CFTR: variants seen among roughly 807,000 people sequenced by gnomAD.
CFTR encodes the protein CF transmembrane conductance regulator.
In CFTR, 181 loss-of-function variants were observed where a neutral mutation model predicts 171.6. The ratio of observed to expected loss-of-function variants is 1.05; its 90% CI spans 0.93 to 1.19. The LOEUF is 1.19. Ranked by LOEUF, CFTR falls within the 50% of genes most tolerant of loss-of-function variation. CFTR has a pLI of 0.00. For synonymous variants in CFTR, 583 were observed against 608.0 expected (o/e 0.96, Z 0.60); for missense variants, 1,968 against 1,734.7 (o/e 1.13, Z -2.39).
At position 117,591,878 on chromosome 7, in the gene CFTR, CAT is replaced by C. The variant is rs1206679681; in HGVS notation, c.1767-53_1767-52del. 1.5e-5 allele frequency: 16 copies of C among 1,088,186 alleles called. No homozygotes were observed. The East Asian group carries it at 2.6e-4, about 18-fold the overall frequency. The allele number at this position is 1,088,186 out of a possible 1,614,324, so 67.4% of individuals were successfully genotyped here. A position where few individuals can be genotyped will look rare whatever the true frequency, so the allele number is the denominator to read the frequency against. ...ATTAACAAAATGCTAAAATACGAGACATATTGCAATAAAGTATTTATAAAATT... is the reference window on the plus strand; with the variant it reads ...ATTAACAAAATGCTAAAATACGAGACATTGCAATAAAGTATTTATAAAATT... On this transcript the variant is annotated intron_variant, in intron 13 of 26. Transcript: ENST00000003084.
At chr7:117,558,483 G>A (rs1361333737) in intron 10 of CFTR, among the ~76,000 whole-genome samples, 1 of 151,820 alleles carries the variant, frequency 6.6e-6, no homozygotes, top group Admixed American at 6.6e-5. Flanking sequence ...GAACCCAGGA[G>A]GCAGAACTTG....
At chr7:117,492,842 A>C (rs570687796) in intron 1 of CFTR, among the ~76,000 whole-genome samples, 45 of 152,136 alleles carry the variant, frequency 3.0e-4, no homozygotes, top group African/African-American at 1.0e-3. Context: ...TCACACATAC[A>C]TAATTTATGT....
At chr7:117,623,708 T>G (rs1792613677) in intron 21 of CFTR, among the ~76,000 whole-genome samples, 1 of 152,196 alleles carries the variant, frequency 6.6e-6, no homozygotes, top group South Asian at 2.1e-4. Context: ...ACTGTCATTC[T>G]TACTGCACAG....
At chr7:117,569,146 C>G (rs1350918485) in intron 11 of CFTR, among the ~76,000 whole-genome samples, 1 of 152,002 alleles carries the variant, frequency 6.6e-6, no homozygotes, top group Non-Finnish European at 1.5e-5. Context: ...GGTGATATCA[C>G]CAATGGTGAG....
intron 21 of CFTR, among the ~76,000 whole-genome samples, chr7:117,619,501 C>G (rs1021071567): frequency 6.6e-6 from 1 of 152,064 alleles, no homozygotes; most frequent in Non-Finnish European, 1.5e-5. Flanking sequence ...TACTTTTTGT[C>G]TTTTACTGCT....
intron 3 of CFTR, among the ~76,000 whole-genome samples, chr7:117,513,428 C>T (rs1462354535): frequency 2.4e-5 from 3 of 123,198 alleles, no homozygotes; most frequent in African/African-American, 7.4e-5. Flanking sequence ...GTTAATCTCT[C>T]CTAGATTTGA....
chr7:117,642,615 G>GA lies in CFTR; in HGVS notation c.3873+28dup, dbSNP rs751189785. 1.3e-4 allele frequency: 215 copies of GA among 1,611,190 alleles called. No individual in the cohort carries two copies. The highest frequency in any genetic ancestry group is 1.6e-4 in the Non-Finnish European group (187 of 1,178,560). On this transcript the variant is annotated intron_variant, in intron 23 of 26. Transcript: ENST00000003084. ...ACAGGTGAGCAAAAGGACTTAGCCA[G>GA]AAAAAAGGCAACTAAATTATATTTT... is the stretch of plus-strand genomic sequence containing the variant.
At chr7:117,499,742 GCCCAGGAATTTGCAA>G (rs1798292209) in intron 1 of CFTR, among the ~76,000 whole-genome samples, 1 of 151,588 alleles carries the variant, frequency 6.6e-6, no homozygotes, top group Non-Finnish European at 1.5e-5. Flanking sequence ...GATCTCTTAA[GCCCAGGAATTTGCAA>G]CCAGCTTGGG....
intron 18 of CFTR, 59 bp downstream of exon 18, chr7:117,606,812 G>T: frequency 2.1e-6 from 2 of 970,078 alleles, no homozygotes; most frequent in South Asian, 1.3e-5. Context: ...AATAACAAAA[G>T]CAAATGTGAT....
chr7:117,483,376 A>G (rs912475169), intron 1 of CFTR, among the ~76,000 whole-genome samples: 1 of 152,190 alleles, frequency 6.6e-6, no homozygotes, highest in Middle Eastern at 3.2e-3. Context: ...ATTAAAAATT[A>G]TATTACCCAG....
chr7:117,624,491 T>C (rs895666595), intron 21 of CFTR, among the ~76,000 whole-genome samples: 11 of 152,188 alleles, frequency 7.2e-5, no homozygotes, highest in Non-Finnish European at 1.6e-4. Context: ...TTCACTCTAC[T>C]GCTCCCATGT....
At chr7:117,652,708 T>C in intron 23 of CFTR, 134 bp from the exon 24 acceptor site, 1 of 559,234 alleles carries the variant, frequency 1.8e-6, no homozygotes, top group Admixed American at 3.1e-5. Context: ...TTGAGAGAAC[T>C]TGATGGTAAG....
chr7:117,649,673 A>G (rs1793059143), intron 23 of CFTR, among the ~76,000 whole-genome samples: 5 of 151,960 alleles, frequency 3.3e-5, no homozygotes, highest in Admixed American at 2.6e-4. Context: ...GGAAGAATTT[A>G]TTGAGCATAT....
chr7:117,592,987 T>C lies in CFTR; in HGVS notation c.2490+330T>C, dbSNP rs1792059708. On this transcript the variant is annotated intron_variant, in intron 14 of 26. Coordinates refer to ENST00000003084, the MANE Select transcript of CFTR (RefSeq NM_000492.4). ...ACCCTCTGTGGGAAGAGGTGCAGTA[T>C]AAATAACTGTATAAATAAATAGTAG... Among the ~76,000 whole-genome samples, 2 of 152,218 alleles carry C rather than the reference T, an allele frequency of 1.3e-5. 1 individual carries two copies. Among genetic ancestry groups the C allele is most frequent in the Admixed American group, 1.3e-4 (2 of 15,274 alleles).
chr7:117,566,704 A>C (rs1259904643), intron 11 of CFTR, among the ~76,000 whole-genome samples: 1 of 152,212 alleles, frequency 6.6e-6, no homozygotes. Flanking sequence ...CTTGAAAATA[A>C]ATGCTAGCTA....
chr7:117,595,210 T>G, intron 15 of CFTR, 152 bp downstream of exon 15: 1 of 566,882 alleles, frequency 1.8e-6, no homozygotes, highest in Non-Finnish European at 3.1e-6. Context: ...TATCACTATA[T>G]GTATATATGT....
chr7:117,544,214 G>A (rs1799102005), intron 9 of CFTR, among the ~76,000 whole-genome samples: 1 of 151,870 alleles, frequency 6.6e-6, no homozygotes, highest in African/African-American at 2.4e-5. Flanking sequence ...ATCAGTTTTG[G>A]AGAAGGAAGT....
At chr7:117,487,568 A>C (rs1220891630) in intron 1 of CFTR, among the ~76,000 whole-genome samples, 2 of 152,122 alleles carry the variant, frequency 1.3e-5, no homozygotes, top group Admixed American at 1.3e-4. Context: ...TACTATGATG[A>C]GGTTTCTGTG....
chr7:117,654,426 G>A (rs1033433151), intron 24 of CFTR, among the ~76,000 whole-genome samples: 15 of 152,256 alleles, frequency 9.9e-5, no homozygotes, highest in Middle Eastern at 3.4e-3. Context: ...TGGCAATGGA[G>A]TATGGGGAGC....
Sources: gnomAD v4.1 joint callset for allele counts (sites outside exome capture counted in the v4.1 genomes callset) on GRCh38, gnomAD v4.1.1 for gene constraint, MANE v1.5 for transcripts, NCBI Gene and HGNC (gene_info 2026-07-23, HGNC 2026-07-21) for gene names.